MYOM2: variants seen among roughly 807,000 people sequenced by gnomAD.
MYOM2 encodes myomesin-2.
In MYOM2, 254 loss-of-function variants were observed where a neutral mutation model predicts 187.6. That is an observed-to-expected ratio of 1.35 (90% CI 1.22 to 1.50). The LOEUF is 1.50. Among genes scored for constraint, MYOM2 ranks in the 40% most tolerant of loss-of-function variants. MYOM2 has a pLI of 0.00. For missense variants in MYOM2, 2,796 were observed against 1,924.0 expected, an observed-to-expected ratio of 1.45 and a Z score of -8.48; for synonymous variants, 981 against 753.8, an observed-to-expected ratio of 1.30 and a Z score of -4.94.
chr8:2,141,535 G>A (rs528954915), intron 34 of MYOM2, among the ~76,000 whole-genome samples: 48 of 152,298 alleles, frequency 3.2e-4, no homozygotes, highest in East Asian at 5.8e-4. Flanking sequence ...GGTCAGGAGC[G>A]CTTTCTTTTA....
chr8:2,095,286 C>T (rs1796439681), intron 17 of MYOM2, among the ~76,000 whole-genome samples: 2 of 150,484 alleles, frequency 1.3e-5, no homozygotes, highest in African/African-American at 5.0e-5. Flanking sequence ...TAAAGGAAAA[C>T]CACTTTCTTT....
At chr8:2,052,065 T>A (rs1585815867) in intron 2 of MYOM2, 93 bp from the exon 3 acceptor site, 4 of 1,513,676 alleles carry the variant, frequency 2.6e-6, no homozygotes, top group Non-Finnish European at 9.1e-7. Flanking sequence ...TACCAGTGGT[T>A]TGGGGTGTGT....
chr8:2,084,963 C>G (rs377151170), intron 13 of MYOM2: 1 of 358,076 alleles, frequency 2.8e-6, no homozygotes, highest in Non-Finnish European at 5.1e-6. Context: ...GGTGCAATGC[C>G]TGGTTTCTTC....
rs191032832 is a variant in MYOM2 at position 2,056,802 on chromosome 8, T to A, written c.264-546T>A. On this transcript the variant is annotated intron_variant, in intron 3 of 36. Transcript: ENST00000262113. ...GTTAGCCCAGTAGCACCTAACAGTT[T>A]TGAGTCTCAGACCTGGGAAAGCATC... 2.6e-5 allele frequency among the ~76,000 whole-genome samples: 4 copies of A among 152,280 alleles called. No individual in the cohort carries two copies. In the East Asian group the frequency reaches 7.7e-4, roughly 29 times the overall value.
In MYOM2 at chr8:2,085,301, G is replaced by A. The variant is rs765860531; in HGVS notation, c.1555G>A (p.Ala519Thr). The A allele has an allele frequency of 8.7e-6, 14 of 1,613,922 alleles. No individual in the cohort carries two copies. Among genetic ancestry groups the A allele is most frequent in the South Asian group, 3.3e-5 (3 of 91,084 alleles). The change falls in exon 14 of 37, where the codon GCT becomes ACT. Residue 519 changes from alanine to threonine, a missense_variant. Physicochemically the swap from Ala to Thr is moderately conservative, Grantham distance 58 (BLOSUM62 0). Transcript: ENST00000262113. Reference protein sequence around the residue: ...QVPGPPTGVHASEISRNYVVL... With the variant: ...QVPGPPTGVHTSEISRNYVVL... Reference sequence around the variant, plus strand: ...TCCAGGGCCTCCCACCGGTGTGCACGCTTCCGAGATCAGCAGAAACTATGT... The same window carrying A: ...TCCAGGGCCTCCCACCGGTGTGCACACTTCCGAGATCAGCAGAAACTATGT...
At chr8:2,066,545 A>G (rs927903513) in intron 6 of MYOM2, among the ~76,000 whole-genome samples, 5 of 152,222 alleles carry the variant, frequency 3.3e-5, no homozygotes, top group African/African-American at 1.2e-4. Flanking sequence ...TAATGGTTTT[A>G]TTATTTAGAA....
At chr8:2,087,229 C>T (rs547132810) in intron 14 of MYOM2, among the ~76,000 whole-genome samples, 1 of 152,244 alleles carries the variant, frequency 6.6e-6, no homozygotes, top group East Asian at 1.9e-4. Flanking sequence ...ATATGTAATA[C>T]AATATGTAGT....
At chr8:2,142,300 A>C in intron 34 of MYOM2, 75 bp from the exon 35 acceptor site, 4 of 1,406,352 alleles carry the variant, frequency 2.8e-6, no homozygotes, top group Non-Finnish European at 3.0e-6. Flanking sequence ...TGAGCCTCTC[A>C]GCTGTGCATT....
intron 19 of MYOM2, among the ~76,000 whole-genome samples, chr8:2,100,099 T>A (rs1796642243): frequency 9.0e-6 from 1 of 110,566 alleles, no homozygotes; most frequent in Non-Finnish European, 1.9e-5. Context: ...CTTCCTTCCT[T>A]CCTTCCTTCT....
At chr8:2,079,700 C>T (rs1302247062) in intron 13 of MYOM2, 87 bp downstream of exon 13, 2 of 1,370,778 alleles carry the variant, frequency 1.5e-6, no homozygotes, top group South Asian at 1.2e-5. Context: ...AGAGAACGCC[C>T]CCTACTGGGC....
chr8:2,070,309 G>A (rs912845783), intron 8 of MYOM2, among the ~76,000 whole-genome samples: 42 of 152,276 alleles, frequency 2.8e-4, no homozygotes, highest in African/African-American at 9.6e-4. Context: ...CACGTGCTGG[G>A]AGTGGAGAGT....
rs1819164866 is a variant in MYOM2, at chr8:2,070,176, C to T, written c.793+679C>T. 3.3e-5 allele frequency among the ~76,000 whole-genome samples: 5 copies of T among 152,334 alleles called. No individual in the cohort carries two copies. The South Asian group carries it at 1.0e-3, about 32-fold the overall frequency. On this transcript the variant is annotated intron_variant, in intron 8 of 36. Transcript: ENST00000262113. ...GACGGGGACATGATGGATGCCCTTT[C>T]GAGGCAGCTTGTTTATGGCTTGGGA...
Position 2,078,838 on chromosome 8 carries a change from G to A in MYOM2, c.1367G>A (p.Arg456Gln), listed in dbSNP as rs370995476. ...TTTGAAGGAAGGTCTTACATATTCC[G>A]AGTGAGGGCAGTGAACAGTGCGGGC... ...GLFEGRSYIF[R>Q]VRAVNSAGIS... is the part of the protein sequence containing the mutation. Residue 456 changes from arginine (R) to glutamine (Q), a missense_variant, in exon 12 of 37, where the codon CGA becomes CAA. Physicochemically the swap from Arg to Gln is conservative, Grantham distance 43 (BLOSUM62 1). Coordinates refer to ENST00000262113, the MANE Select transcript of MYOM2 (RefSeq NM_003970.4). 42 of 1,613,994 alleles carry A rather than the reference G, an allele frequency of 2.6e-5. No homozygotes were observed. The highest frequency in any genetic ancestry group is 1.6e-4 in the Middle Eastern group (1 of 6,080).
At chr8:2,129,416 C>T (rs1039325445) in intron 32 of MYOM2, among the ~76,000 whole-genome samples, 184 bp downstream of exon 32, 1 of 152,028 alleles carries the variant, frequency 6.6e-6, no homozygotes, top group East Asian at 1.9e-4. Flanking sequence ...GTGGGGAGGA[C>T]GTGGAAGAAG....
At chr8:2,134,124 A>G (rs1797973837) in intron 32 of MYOM2, among the ~76,000 whole-genome samples, 1 of 152,038 alleles carries the variant, frequency 6.6e-6, no homozygotes, top group Non-Finnish European at 1.5e-5. Flanking sequence ...GCTACAGACC[A>G]ATTCAGATTG....
intron 15 of MYOM2, 121 bp downstream of exon 15, chr8:2,090,312 C>A: frequency 1.1e-6 from 1 of 912,182 alleles, no homozygotes; most frequent in Non-Finnish European, 1.6e-6. Flanking sequence ...TTCAAGTGGA[C>A]TTAAAACTTC....
rs536776871 is a variant in MYOM2 at position 2,063,395 on chromosome 8, C to T, written c.653+4150C>T. 1.2e-4 allele frequency among the ~76,000 whole-genome samples: 19 copies of T among 152,250 alleles called. No homozygotes were observed. In the South Asian group the frequency reaches 3.3e-3, roughly 27 times the overall value. ...TCTTAAAGTGCTGAAAAAGAAGCTC[C>T]CCCTTGGTACTATTTTATTTTAAAT... On this transcript the variant is annotated intron_variant, in intron 6 of 36. Transcript: ENST00000262113.
chr8:2,126,606 T>G (rs1427043838), intron 31 of MYOM2, among the ~76,000 whole-genome samples: 1 of 151,822 alleles, frequency 6.6e-6, no homozygotes, highest in Non-Finnish European at 1.5e-5. Flanking sequence ...ACAGGAGCCC[T>G]GGGAGGCTGG....
At chr8:2,088,881 G>C (rs1051642953) in intron 14 of MYOM2, among the ~76,000 whole-genome samples, 3 of 152,248 alleles carry the variant, frequency 2.0e-5, no homozygotes, top group African/African-American at 7.2e-5. Flanking sequence ...TCCCCCAGCA[G>C]TGGATAAGCC....
Sources: allele counts gnomAD v4.1 joint callset (sites outside exome capture counted in the v4.1 genomes callset), GRCh38; gene constraint gnomAD v4.1.1; transcripts MANE v1.5; gene names NCBI Gene and HGNC (gene_info 2026-07-23, HGNC 2026-07-21).